The following DHRS7C variants were observed in gnomAD, a reference collection of about 807,000 sequenced individuals.
DHRS7C encodes dehydrogenase/reductase 7C.
A neutral mutation model predicts 29.6 loss-of-function variants in DHRS7C; 28 were observed. The observed-to-expected ratio is 0.95, with a 90% CI of 0.70 to 1.30. The LOEUF is 1.30. Among genes scored for constraint, DHRS7C ranks in the 50% most tolerant of loss-of-function variants. The pLI, the probability that DHRS7C is intolerant of heterozygous loss-of-function variation, is 0.00. For synonymous variants in DHRS7C, 158 were observed against 160.2 expected, an observed-to-expected ratio of 0.99 and a Z score of 0.10; for missense variants, 403 against 393.3, an observed-to-expected ratio of 1.02 and a Z score of -0.21.
At chr17:9,785,717 G>A (rs1294631858) in intron 1 of DHRS7C, among the ~76,000 whole-genome samples, 2 of 152,206 alleles carry the variant, frequency 1.3e-5, no homozygotes, top group Non-Finnish European at 2.9e-5. Flanking sequence ...ACGAGAGAAA[G>A]ATTCAGACCC....
chr17:9,780,441 A>G (rs949707656), intron 2 of DHRS7C, among the ~76,000 whole-genome samples: 11 of 151,758 alleles, frequency 7.2e-5, no homozygotes, highest in African/African-American at 1.2e-4. Context: ...AAAAAAAAAA[A>G]TCTATCACAG....
rs937731339 is a variant in DHRS7C, at chr17:9,780,140, A to G, written c.268-105T>C. The G allele has an allele frequency of 5.7e-5, 54 of 946,924 alleles. No homozygotes were observed. The East Asian group carries it at 1.4e-3, about 25-fold the overall frequency. The allele number at this position is 946,924 out of a possible 1,614,324, so 58.7% of individuals were successfully genotyped here. ...CCACCCATTTTGAAATTCAAAGATA[A>G]TGAAATGACTGAAAAAAAAAAAAAG... is the stretch of plus-strand genomic sequence containing the variant. On this transcript the variant is annotated intron_variant, in intron 2 of 5. Coordinates refer to ENST00000571134, the MANE Select transcript of DHRS7C (RefSeq NM_001105571.3).
Position 9,775,269 on chromosome 17 carries a change from G to C in DHRS7C, c.571+1924C>G, listed in dbSNP as rs1250273792. Among the ~76,000 whole-genome samples, 1 of 152,246 alleles carries C rather than the reference G, an allele frequency of 6.6e-6. No individual in the cohort carries two copies. The highest frequency in any genetic ancestry group is 1.5e-5 in the Non-Finnish European group (1 of 68,056). On this transcript the variant is annotated intron_variant, in intron 4 of 5. Transcript: ENST00000571134. The surrounding 1 kb of genome is among the most constrained non-coding windows in gnomAD (Gnocchi z 4.2). ...AGATTCCTAAGTGGACTGGGGAAGA[G>C]AGGAAAAGGCAGGATGTGGCAAAGA...
rs376824833 is a variant in DHRS7C at position 9,774,283 on chromosome 17, T to TTTTTG, written c.572-1366_572-1362dup. Among the ~76,000 whole-genome samples the TTTTTG allele has an allele frequency of 4.1e-3, 624 of 152,008 alleles. 5 individuals are homozygous for TTTTTG. Among genetic ancestry groups the TTTTTG allele is most frequent in the African/African-American group, 0.014 (583 of 41,436 alleles). ...GGACAGGTAACTTTCCATGTGGTGTTTTTTGTTTTGTTTTGTTTTGAGAGG... is the reference window on the plus strand; with the variant it reads ...GGACAGGTAACTTTCCATGTGGTGTTTTTTGTTTTGTTTTGTTTTGTTTTGAGAGG... On this transcript the variant is annotated intron_variant, in intron 4 of 5. Coordinates refer to ENST00000571134, the MANE Select transcript of DHRS7C (RefSeq NM_001105571.3). This position sits in a 1 kb window ranked among gnomAD's most constrained non-coding sequence, Gnocchi z 5.0.
At chr17:9,782,564 G>C (rs1371713257) in intron 1 of DHRS7C, among the ~76,000 whole-genome samples, 3 of 152,204 alleles carry the variant, frequency 2.0e-5, no homozygotes, top group African/African-American at 7.2e-5. Flanking sequence ...CCTCTCTGGG[G>C]GTGCGTGCAT....
intron 1 of DHRS7C, chr17:9,782,961 A>G (rs1008039416): frequency 7.2e-5 from 11 of 152,374 alleles, no homozygotes; most frequent in Admixed American, 2.6e-4. Context: ...GACCTGCTGC[A>G]CAGGACAGTT....
In DHRS7C at chr17:9,775,583, C is replaced by A. The variant is rs1340632821; in HGVS notation, c.571+1610G>T. The stretch of plus-strand genomic sequence containing the variant: ...AGCATGACCCTGGGCCCCTCAGTGA[C>A]CCTGTGGCATGGTGGCATCTGCTTG... On this transcript the variant is annotated intron_variant, in intron 4 of 5. Coordinates refer to ENST00000571134, the MANE Select transcript of DHRS7C (RefSeq NM_001105571.3). This position sits in a 1 kb window ranked among gnomAD's most constrained non-coding sequence, Gnocchi z 4.2. Among the ~76,000 whole-genome samples, 1 of 152,166 alleles carries A rather than the reference C, an allele frequency of 6.6e-6. No homozygotes were observed. The highest frequency in any genetic ancestry group is 6.5e-5 in the Admixed American group (1 of 15,282).
chr17:9,791,345 A>G lies in DHRS7C; in HGVS notation c.-61T>C, dbSNP rs2066454367. 9 of 1,576,254 alleles carry G rather than the reference A, an allele frequency of 5.7e-6. No individual in the cohort carries two copies. The South Asian group carries it at 1.1e-4, about 19-fold the overall frequency. ...GCTTTGCAAAGAGACGCTGATCAGG[A>G]CTCCCAGGGCAGGGGGAGGCCCAAG... is the stretch of plus-strand genomic sequence containing the variant. On this transcript the variant is annotated 5_prime_UTR_variant, in exon 1 of 6. Coordinates refer to ENST00000571134, the MANE Select transcript of DHRS7C (RefSeq NM_001105571.3).
intron 1 of DHRS7C, among the ~76,000 whole-genome samples, chr17:9,790,308 T>A (rs557937983): frequency 2.2e-4 from 34 of 152,220 alleles, no homozygotes; most frequent in Non-Finnish European, 4.3e-4. Context: ...AAAGTTGCAC[T>A]AACTATGTAA....
intron 4 of DHRS7C, 42 bp from the exon 5 acceptor site, chr17:9,772,964 G>C (rs745431338): frequency 4.9e-5 from 78 of 1,604,366 alleles, no homozygotes; most frequent in Non-Finnish European, 6.5e-5. Context: ...GGACACTCCC[G>C]GCCCTGCTTC....
In DHRS7C at chr17:9,785,232, G is replaced by A. The variant is rs548308606; in HGVS notation, c.155-3638C>T. The A allele has an allele frequency of 3.9e-5, 6 of 152,354 alleles. No individual in the cohort carries two copies. The South Asian group carries it at 1.0e-3, about 26-fold the overall frequency. 9.4% of individuals were successfully genotyped at this position (152,354 alleles called of 1,614,324 possible). On this transcript the variant is annotated intron_variant, in intron 1 of 5. Coordinates refer to ENST00000571134, the MANE Select transcript of DHRS7C (RefSeq NM_001105571.3). ...ATAGCGGGGACTTCGAAGGAGGATC[G>A]CCTGGAAAGAATGTTAGGTGAGTTT...
chr17:9,789,245 A>G (rs1265522140), intron 1 of DHRS7C, among the ~76,000 whole-genome samples: 1 of 152,182 alleles, frequency 6.6e-6, no homozygotes, highest in Non-Finnish European at 1.5e-5. Flanking sequence ...CGCAGAACCC[A>G]TATCGAGATA....
chr17:9,778,407 A>AG (rs1238263322), intron 3 of DHRS7C, among the ~76,000 whole-genome samples: 3 of 152,000 alleles, frequency 2.0e-5, no homozygotes, highest in Admixed American at 2.0e-4. Context: ...AAAAAAAAAA[A>AG]AAAAAGAAAG....
At position 9,774,676 on chromosome 17, in the gene DHRS7C, G is replaced by T. The variant is rs142273774; in HGVS notation, c.572-1754C>A. Among the ~76,000 whole-genome samples, 40 of 152,312 alleles carry T rather than the reference G, an allele frequency of 2.6e-4. No homozygotes were observed. Among genetic ancestry groups the T allele is most frequent in the African/African-American group, 9.4e-4 (39 of 41,560 alleles). ...CTTCCCTTTCAAGTCTGTGTGCCAGGTTCTGAGCCTCAGAGCCCCCATCTC... is the reference window on the plus strand; with the variant it reads ...CTTCCCTTTCAAGTCTGTGTGCCAGTTTCTGAGCCTCAGAGCCCCCATCTC... On this transcript the variant is annotated intron_variant, in intron 4 of 5. Transcript: ENST00000571134. This position sits in a 1 kb window ranked among gnomAD's most constrained non-coding sequence, Gnocchi z 5.0.
At chr17:9,785,318 A>G (rs1293742815) in intron 1 of DHRS7C, 2 of 152,280 alleles carry the variant, frequency 1.3e-5, no homozygotes, top group Non-Finnish European at 2.9e-5. Context: ...TGAAGGGCAC[A>G]GGAGGAATCA....
chr17:9,779,050 C>T (rs772919273), intron 3 of DHRS7C, among the ~76,000 whole-genome samples: 9 of 152,110 alleles, frequency 5.9e-5, no homozygotes, highest in Non-Finnish European at 8.8e-5. Context: ...GCTGGGATTA[C>T]AGGCACCCAC....
intron 2 of DHRS7C, among the ~76,000 whole-genome samples, chr17:9,780,264 C>T (rs1190826528): frequency 6.6e-6 from 1 of 152,058 alleles, no homozygotes; most frequent in African/African-American, 2.4e-5. Context: ...CACGAATATG[C>T]AGCGATAAAT....
At chr17:9,772,990 G>A in intron 4 of DHRS7C, 68 bp from the exon 5 acceptor site, 1 of 1,572,598 alleles carries the variant, frequency 6.4e-7, no homozygotes, top group South Asian at 1.1e-5. Flanking sequence ...GGGCGCATTG[G>A]AGGCAGGAGG....
At chr17:9,787,469 A>G (rs1165632120) in intron 1 of DHRS7C, among the ~76,000 whole-genome samples, 1 of 152,198 alleles carries the variant, frequency 6.6e-6, no homozygotes, top group African/African-American at 2.4e-5. Flanking sequence ...CCAAGCCTAG[A>G]GGTGCTGCTC....
Sources: allele counts gnomAD v4.1 joint callset (sites outside exome capture counted in the v4.1 genomes callset), GRCh38; gene constraint gnomAD v4.1.1; non-coding constraint Gnocchi (gnomAD v3.1); transcripts MANE v1.5; gene names NCBI Gene and HGNC (gene_info 2026-07-23, HGNC 2026-07-21).